The following CDC5L variants were observed in gnomAD, a reference collection of about 807,000 sequenced individuals.
CDC5L encodes cell division cycle 5-like protein.
A neutral mutation model predicts 104.1 loss-of-function variants in CDC5L; 18 were observed. The ratio of observed to expected loss-of-function variants is 0.17; its 90% CI spans 0.12 to 0.26. The LOEUF (loss-of-function observed/expected upper bound fraction) is 0.26. Ranked by LOEUF, CDC5L falls within the 10% of genes least tolerant of loss-of-function variation. The probability of loss-of-function intolerance (pLI) is 1.00; values close to 1 mark genes in which losing one functional copy is unlikely to be tolerated. For missense variants in CDC5L, 673 were observed against 956.9 expected (o/e 0.70, Z 3.91); for synonymous variants, 331 against 322.7 (o/e 1.03, Z -0.28).
Position 44,448,146 on chromosome 6 carries a change from T to A in CDC5L, c.*1435T>A, listed in dbSNP as rs1233255180. On this transcript the variant is annotated 3_prime_UTR_variant, in exon 16 of 16. Transcript: ENST00000371477. Reference sequence around the variant, plus strand: ...GTGATTGACATTTTAGAATGGGCTATCCTTGTGAGATTCAAGGAAAGAACA... The same window carrying A: ...GTGATTGACATTTTAGAATGGGCTAACCTTGTGAGATTCAAGGAAAGAACA... 6.6e-6 allele frequency: 1 copy of A among 152,198 alleles called. No individual in the cohort carries two copies. Among genetic ancestry groups the A allele is most frequent in the Non-Finnish European group, 1.5e-5 (1 of 68,044 alleles). 9.4% of individuals were successfully genotyped at this position (152,198 alleles called of 1,614,324 possible). A position where few individuals can be genotyped will look rare whatever the true frequency, so the allele number is the denominator to read the frequency against.
chr6:44,427,119 T>C (rs1344699720), intron 13 of CDC5L, among the ~76,000 whole-genome samples: 1 of 152,222 alleles, frequency 6.6e-6, no homozygotes, highest in South Asian at 2.1e-4. Flanking sequence ...AAAATGTTTA[T>C]AGATTAAACC....
intron 2 of CDC5L, among the ~76,000 whole-genome samples, chr6:44,391,713 G>A (rs1055437197): frequency 1.3e-5 from 2 of 151,818 alleles, no homozygotes. Context: ...GAAAGTATCA[G>A]AATGTAGAAA....
intron 6 of CDC5L, among the ~76,000 whole-genome samples, chr6:44,405,672 T>C (rs1424818915): frequency 6.6e-6 from 1 of 152,232 alleles, no homozygotes; most frequent in Admixed American, 6.5e-5. Flanking sequence ...CTTTTTCCTA[T>C]GTGCACACGT....
Position 44,426,168 on chromosome 6 carries a change from G to C in CDC5L, c.1635G>C (p.Leu545=). The C allele has an allele frequency of 6.2e-7, 1 of 1,606,094 alleles. No homozygotes were observed. ...TGCATAAAGCTGTCCAGAAAGATCTGCCAAGACCATCAGAAGTAAGTGTTA... is the reference window on the plus strand; with the variant it reads ...TGCATAAAGCTGTCCAGAAAGATCTCCCAAGACCATCAGAAGTAAGTGTTA... ...KRMHKAVQKD[L]PRPSEVNETI... is the part of the protein sequence containing the mutation. Residue 545 remains leucine (L), a synonymous_variant, in exon 12 of 16, where the codon CTG becomes CTC. Coordinates refer to ENST00000371477, the MANE Select transcript of CDC5L (RefSeq NM_001253.4).
At position 44,408,353 on chromosome 6, in the gene CDC5L, C is replaced by T. The variant is rs1049149515; in HGVS notation, c.904-91C>T. ...CTGGGCTCAAACAGTTTGCCCTCCT[C>T]GGCCTCCCAGAGTGTTGGGATTACA... On this transcript the variant is annotated intron_variant, in intron 7 of 15. Coordinates refer to ENST00000371477, the MANE Select transcript of CDC5L (RefSeq NM_001253.4). 2.2e-5 allele frequency: 22 copies of T among 983,154 alleles called. 1 individual carries two copies. The highest frequency in any genetic ancestry group is 4.8e-5 in the Admixed American group (2 of 41,544). 60.9% of individuals were successfully genotyped at this position (983,154 alleles called of 1,614,324 possible).
intron 5 of CDC5L, among the ~76,000 whole-genome samples, chr6:44,399,462 C>A (rs1361351908): frequency 6.6e-6 from 1 of 151,912 alleles, no homozygotes; most frequent in Admixed American, 6.6e-5. Context: ...CTTTTGGTAC[C>A]CCTGTTCTGC....
intron 5 of CDC5L, among the ~76,000 whole-genome samples, chr6:44,403,529 G>A (rs969007210): frequency 1.3e-5 from 2 of 151,884 alleles, no homozygotes; most frequent in African/African-American, 4.8e-5. Flanking sequence ...TTTTTCATTT[G>A]CCATTTATTT....
intron 14 of CDC5L, among the ~76,000 whole-genome samples, chr6:44,442,529 T>C (rs1336751057): frequency 1.3e-5 from 2 of 152,144 alleles, no homozygotes; most frequent in Non-Finnish European, 1.5e-5. Context: ...TATATAACGG[T>C]ATTTTAAGTT....
intron 14 of CDC5L, among the ~76,000 whole-genome samples, chr6:44,442,629 A>T (rs1284209057): frequency 1.3e-5 from 2 of 152,084 alleles, no homozygotes; most frequent in Admixed American, 6.6e-5. Context: ...TATACTTAAA[A>T]TTTTTATATA....
chr6:44,410,605 C>T (rs973586092), intron 8 of CDC5L, among the ~76,000 whole-genome samples: 1 of 152,182 alleles, frequency 6.6e-6, no homozygotes, highest in South Asian at 2.1e-4. Flanking sequence ...TTGAAGGTAG[C>T]ACTGCAAGGT....
At chr6:44,438,558 G>A (rs1793040052) in intron 14 of CDC5L, among the ~76,000 whole-genome samples, 1 of 152,130 alleles carries the variant, frequency 6.6e-6, no homozygotes, top group Non-Finnish European at 1.5e-5. Context: ...AAAACCACTG[G>A]CGTAAAAAGA....
intron 14 of CDC5L, among the ~76,000 whole-genome samples, chr6:44,441,625 T>C (rs1793194113): frequency 1.3e-5 from 2 of 152,236 alleles, no homozygotes; most frequent in South Asian, 2.1e-4. Flanking sequence ...CAACACATAC[T>C]GTTTTTCATT....
intron 8 of CDC5L, 114 bp from the exon 9 acceptor site, chr6:44,419,335 T>C: frequency 1.1e-6 from 1 of 910,482 alleles, no homozygotes; most frequent in Non-Finnish European, 1.7e-6. Context: ...TAGCTTTCAT[T>C]GAGAAAATGA....
chr6:44,446,005 T>A (rs1441329674), intron 15 of CDC5L, 138 bp downstream of exon 15: 2 of 679,548 alleles, frequency 2.9e-6, no homozygotes, highest in Non-Finnish European at 5.0e-6. Context: ...CTAAAGTGTT[T>A]GACTTTCTAA....
In CDC5L at chr6:44,446,405, A is replaced by T. The variant is rs927627815; in HGVS notation, c.2305-202A>T. Among the ~76,000 whole-genome samples, 6 of 152,344 alleles carry T rather than the reference A, an allele frequency of 3.9e-5. 1 individual carries two copies. The South Asian group carries it at 8.3e-4, about 21-fold the overall frequency. ...TGGTTTGTTTATTTGAAGTAGCAGC[A>T]GGATTTCATATGACCAAATCAAAGA... On this transcript the variant is annotated intron_variant, in intron 15 of 15. Coordinates refer to ENST00000371477, the MANE Select transcript of CDC5L (RefSeq NM_001253.4).
At chr6:44,405,851 G>A (rs1791338648) in intron 6 of CDC5L, among the ~76,000 whole-genome samples, 1 of 151,710 alleles carries the variant, frequency 6.6e-6, no homozygotes, top group Middle Eastern at 3.4e-3. Context: ...AATATGGTAA[G>A]TAATGGTGTA....
At chr6:44,420,444 C>G (rs1362452910) in intron 9 of CDC5L, among the ~76,000 whole-genome samples, 1 of 151,830 alleles carries the variant, frequency 6.6e-6, no homozygotes, top group Non-Finnish European at 1.5e-5. Flanking sequence ...TCACAACCTC[C>G]GCCTCCTAGG....
intron 5 of CDC5L, 58 bp downstream of exon 5, chr6:44,396,498 A>G (rs1790874770): frequency 9.3e-7 from 1 of 1,078,016 alleles, no homozygotes; most frequent in Non-Finnish European, 1.4e-6. Context: ...CAATCAACAC[A>G]GAATACTTCT....
chr6:44,424,449 G>A lies in CDC5L; in HGVS notation c.1435G>A (p.Gly479Arg). 1.2e-6 allele frequency: 2 copies of A among 1,613,892 alleles called. No homozygotes were observed. Among genetic ancestry groups the A allele is most frequent in the Non-Finnish European group, 1.7e-6 (2 of 1,179,868 alleles). Residue 479 changes from glycine to arginine, a missense_variant, in exon 11 of 16, where the codon GGG becomes AGG. Around this residue, in one of 4 missense-constraint regions of CDC5L, gnomAD observed 578 missense variants for 737.0 expected, o/e 0.78. Transcript: ENST00000371477. ...ERESREHLRL[G>R]LLGLPAPKND... ...AGAATCCCGAGAACATCTCCGTTTA[G>A]GGTTGTTGGGCCTTCCTGCCCCTAA...
Sources: gnomAD v4.1 joint callset for allele counts (sites outside exome capture counted in the v4.1 genomes callset) on GRCh38, gnomAD v4.1.1 for gene constraint, gnomAD v4.1.1 regional missense constraint, MANE v1.5 for transcripts, NCBI Gene and HGNC (gene_info 2026-07-23, HGNC 2026-07-21) for gene names.